The following DTNBP1 variants were observed in gnomAD, a reference collection of about 807,000 sequenced individuals.
DTNBP1 encodes the protein dysbindin.
DTNBP1 carries 35 observed loss-of-function variants against 42.8 expected under a neutral mutation model. The ratio of observed to expected loss-of-function variants is 0.82; its 90% CI spans 0.63 to 1.09. The LOEUF (loss-of-function observed/expected upper bound fraction) is 1.09. Among genes scored for constraint, DTNBP1 ranks in the 50% least tolerant of loss-of-function variants. The pLI is 0.00. For missense variants in DTNBP1, 457 were observed against 424.2 expected (o/e 1.08, Z -0.68); for synonymous variants, 171 against 162.2 (o/e 1.05, Z -0.41).
At chr6:15,528,621 T>G (rs1217863490) in intron 8 of DTNBP1, among the ~76,000 whole-genome samples, 2 of 152,120 alleles carry the variant, frequency 1.3e-5, no homozygotes, top group African/African-American at 4.8e-5. Flanking sequence ...AATTTAAAAA[T>G]CTGATGCTAC....
intron 3 of DTNBP1, among the ~76,000 whole-genome samples, chr6:15,643,742 G>A (rs914980022): frequency 1.3e-5 from 2 of 151,958 alleles, no homozygotes; most frequent in Admixed American, 1.3e-4. Context: ...AAACACAAAG[G>A]GAATTTATCA....
intron 7 of DTNBP1, among the ~76,000 whole-genome samples, chr6:15,591,623 T>C (rs566829027): frequency 1.9e-4 from 29 of 152,338 alleles, no homozygotes; most frequent in Non-Finnish European, 3.8e-4. Context: ...TGAATTATTC[T>C]ATCGGGTAAT....
In DTNBP1 at chr6:15,587,215, G is replaced by C. The variant is rs1776113236; in HGVS notation, c.511+5844C>G. ...GGAATAAATTTAAGACTCACATATT[G>C]AAAACAACAAAACTGCTTAGAAAAA... On this transcript the variant is annotated intron_variant, in intron 7 of 9. Coordinates refer to ENST00000344537, the MANE Select transcript of DTNBP1 (RefSeq NM_032122.5). The surrounding 1 kb of genome is among the most constrained non-coding windows in gnomAD (Gnocchi z 4.1). Among the ~76,000 whole-genome samples the C allele has an allele frequency of 1.3e-5, 2 of 152,074 alleles. No individual in the cohort carries two copies. The highest frequency in any genetic ancestry group is 6.5e-5 in the Admixed American group (1 of 15,270).
At position 15,629,670 on chromosome 6, in the gene DTNBP1, T is replaced by G. The variant is rs1759572655; in HGVS notation, c.223-2195A>C. On this transcript the variant is annotated intron_variant, in intron 4 of 9. Coordinates refer to ENST00000344537, the MANE Select transcript of DTNBP1 (RefSeq NM_032122.5). ...ATACCAGACCCTGTGCTAAGTAATT[T>G]ACATATATTATCTCATTTAAACCAC... Among the ~76,000 whole-genome samples the G allele has an allele frequency of 2.0e-5, 3 of 152,196 alleles. No individual in the cohort carries two copies. The South Asian group carries it at 6.2e-4, about 31-fold the overall frequency.
At chr6:15,524,056 A>G (rs1417832069) in intron 9 of DTNBP1, 2 of 1,299,840 alleles carry the variant, frequency 1.5e-6, no homozygotes, top group Admixed American at 2.3e-5. Context: ...GATGAAAGGA[A>G]CTGAAGTGCA....
At chr6:15,543,846 A>G (rs1773721592) in intron 7 of DTNBP1, among the ~76,000 whole-genome samples, 2 of 152,206 alleles carry the variant, frequency 1.3e-5, no homozygotes, top group Non-Finnish European at 2.9e-5. Flanking sequence ...TAAAAGAGAC[A>G]ATTGGAATTA....
chr6:15,614,452 C>T (rs189520617), intron 6 of DTNBP1, among the ~76,000 whole-genome samples: 2 of 152,292 alleles, frequency 1.3e-5, no homozygotes, highest in Admixed American at 1.3e-4. Flanking sequence ...TTCCTCCCAA[C>T]TAGCAAAGCC....
At chr6:15,634,372 G>C (rs1462595565) in intron 4 of DTNBP1, among the ~76,000 whole-genome samples, 2 of 151,970 alleles carry the variant, frequency 1.3e-5, no homozygotes, top group Non-Finnish European at 2.9e-5. Flanking sequence ...CCTAGAGTGC[G>C]GTGGCTCAAT....
chr6:15,577,485 A>G (rs938311682), intron 7 of DTNBP1, among the ~76,000 whole-genome samples: 3 of 152,234 alleles, frequency 2.0e-5, no homozygotes, highest in African/African-American at 7.2e-5. Context: ...GGCTGGATTT[A>G]CTGAAGAACT....
chr6:15,662,911 T>C lies in DTNBP1; in HGVS notation c.-42A>G. On this transcript the variant is annotated 5_prime_UTR_variant, in exon 1 of 10. Transcript: ENST00000344537. ...CTCCTCTCCTCAGGCCTCGGGCTGC[T>C]GCTGCCTCTGTCGCCCCCTGGGTCC... 6.2e-7 allele frequency: 1 copy of C among 1,600,046 alleles called. No individual in the cohort carries two copies. The highest frequency in any genetic ancestry group is 8.5e-7 in the Non-Finnish European group (1 of 1,178,830).
rs200928711 is a variant in DTNBP1, at chr6:15,523,131, G to A, written c.900C>T (p.Ser300=). ...CCCGGGTGGCCGAGTCGGTGCAGGT[G>A]GAGGAAGAAGAAGGTGGCTTGGCTC... is the stretch of plus-strand genomic sequence containing the variant. ...ELRAKPPSSS[S]TCTDSATRDI... The change falls in exon 10 of 10, where the codon TCC becomes TCT. Residue 300 remains serine, a synonymous_variant. Transcript: ENST00000344537. 2.2e-5 allele frequency: 35 copies of A among 1,614,224 alleles called. No homozygotes were observed. The East Asian group carries it at 2.7e-4, about 12-fold the overall frequency.
chr6:15,590,419 T>C (rs1358965076), intron 7 of DTNBP1, among the ~76,000 whole-genome samples: 1 of 152,198 alleles, frequency 6.6e-6, no homozygotes, highest in East Asian at 1.9e-4. Flanking sequence ...TTTTTGTCAC[T>C]ACGTTGCCTT....
At chr6:15,551,798 C>T (rs965325657) in intron 7 of DTNBP1, among the ~76,000 whole-genome samples, 1 of 152,224 alleles carries the variant, frequency 6.6e-6, no homozygotes, top group Non-Finnish European at 1.5e-5. Flanking sequence ...GTACTGGTAG[C>T]AATCACTAAA....
chr6:15,650,649 G>A (rs182762559), intron 3 of DTNBP1, among the ~76,000 whole-genome samples: 43 of 152,122 alleles, frequency 2.8e-4, no homozygotes, highest in African/African-American at 9.6e-4. Flanking sequence ...TGTGCTTATC[G>A]GTCGTTTGCA....
intron 6 of DTNBP1, among the ~76,000 whole-genome samples, chr6:15,608,717 T>G (rs1019621534): frequency 6.6e-6 from 1 of 152,258 alleles, no homozygotes; most frequent in African/African-American, 2.4e-5. Flanking sequence ...TATTTCCTCA[T>G]GCTTGATGAA....
At chr6:15,561,520 C>T (rs1774840542) in intron 7 of DTNBP1, among the ~76,000 whole-genome samples, 2 of 152,276 alleles carry the variant, frequency 1.3e-5, no homozygotes, top group South Asian at 4.2e-4. Flanking sequence ...ATCTCTCTAC[C>T]GTGAATACAA....
At chr6:15,608,746 T>G (rs1194563988) in intron 6 of DTNBP1, among the ~76,000 whole-genome samples, 2 of 152,264 alleles carry the variant, frequency 1.3e-5, no homozygotes, top group Non-Finnish European at 2.9e-5. Context: ...CCAGTAAATA[T>G]TCTTAGTAAC....
At chr6:15,603,077 GA>G (rs761742784) in intron 6 of DTNBP1, among the ~76,000 whole-genome samples, 1 of 152,216 alleles carries the variant, frequency 6.6e-6, no homozygotes, top group Non-Finnish European at 1.5e-5. Flanking sequence ...CATAAAGTCT[GA>G]AACTGCCAAG....
At chr6:15,611,627 T>C (rs185331078) in intron 6 of DTNBP1, among the ~76,000 whole-genome samples, 2 of 152,316 alleles carry the variant, frequency 1.3e-5, no homozygotes, top group East Asian at 1.9e-4. Context: ...TGTTCATAAT[T>C]AATGTGAGGA....
Sources: allele counts gnomAD v4.1 joint callset (sites outside exome capture counted in the v4.1 genomes callset), GRCh38; gene constraint gnomAD v4.1.1; non-coding constraint Gnocchi (gnomAD v3.1); transcripts MANE v1.5; gene names NCBI Gene and HGNC (gene_info 2026-07-23, HGNC 2026-07-21).